CD163: variants seen among roughly 807,000 people sequenced by gnomAD.
CD163 encodes CD163 molecule, also known as scavenger receptor cysteine-rich type 1 protein M130.
In CD163, 64 loss-of-function variants were observed where a neutral mutation model predicts 129.2. The ratio of observed to expected loss-of-function variants is 0.50; its 90% CI spans 0.41 to 0.61. CD163 has a LOEUF of 0.61. Among genes scored for constraint, CD163 ranks in the 20% least tolerant of loss-of-function variants. The pLI is 0.00. For synonymous variants in CD163, 446 were observed against 478.5 expected (o/e 0.93, Z 0.89); for missense variants, 1,061 against 1,377.9 (o/e 0.77, Z 3.64).
chr12:7,494,068 A>C (rs980069221), intron 6 of CD163, among the ~76,000 whole-genome samples: 1 of 152,208 alleles, frequency 6.6e-6, no homozygotes, highest in Non-Finnish European at 1.5e-5. Context: ...TAATGAAAGC[A>C]AATGATAGCT....
Position 7,494,942 on chromosome 12 carries a change from T to G in CD163, c.1420+139A>C. 5.8e-6 allele frequency: 4 copies of G among 694,554 alleles called. No homozygotes were observed. The South Asian group carries it at 7.4e-5, about 13-fold the overall frequency. The allele number at this position is 694,554 out of a possible 1,614,324, so 43.0% of individuals were successfully genotyped here. A position where few individuals can be genotyped will look rare whatever the true frequency, so the allele number is the denominator to read the frequency against. ...AACATGAATTGTAAACTTATCTGAC[T>G]CTCCCAGTGGAATTTGTGTAGATAT... On this transcript the variant is annotated intron_variant, in intron 6 of 16. Transcript: ENST00000432237.
rs1358917882 is a variant in CD163, at chr12:7,483,436, C to A, written c.3019G>T (p.Asp1007Tyr). 6.2e-7 allele frequency: 1 copy of A among 1,614,074 alleles called. No individual in the cohort carries two copies. Among genetic ancestry groups the A allele is most frequent in the East Asian group, 2.2e-5 (1 of 44,860 alleles). The change falls in exon 12 of 17, where the codon GAT (aspartate) becomes TAT (tyrosine). Residue 1007 changes from aspartate to tyrosine, a missense_variant. Asp to Tyr is a radical substitution (Grantham distance 160). Coordinates refer to ENST00000432237, the MANE Select transcript of CD163 (RefSeq NM_203416.4). ...TGGCCCCAGCGTCTGGCAGGACAAT[C>A]CCACAAGGAAGACTCATTCCCTTTG... The part of the protein sequence containing the change: ...KCKGNESSLW[D>Y]CPARRWGHSE...
At chr12:7,479,114 G>A (rs1341418108) in intron 16 of CD163, among the ~76,000 whole-genome samples, 1 of 151,986 alleles carries the variant, frequency 6.6e-6, no homozygotes, top group Non-Finnish European at 1.5e-5. Flanking sequence ...AAGTATAGCA[G>A]GTAAGACCAT....
intron 6 of CD163, among the ~76,000 whole-genome samples, chr12:7,489,016 G>A (rs1239665504): frequency 2.0e-5 from 3 of 152,078 alleles, no homozygotes; most frequent in Non-Finnish European, 4.4e-5. Flanking sequence ...AATTGCCTTA[G>A]GAGATAATTG....
chr12:7,487,089 A>G lies in CD163; in HGVS notation c.2051-103T>C, dbSNP rs1949261963. The G allele has an allele frequency of 3.2e-6, 3 of 939,068 alleles. No homozygotes were observed. Among genetic ancestry groups the G allele is most frequent in the Admixed American group, 2.4e-5 (1 of 42,400 alleles). 58.2% of individuals were successfully genotyped at this position (939,068 alleles called of 1,614,324 possible). Reference sequence around the variant, plus strand: ...GAGGACAAACATAGCTTAGAGAGAGAGGGGAAGGTGGATGGTCAACAAGTT... The same window carrying G: ...GAGGACAAACATAGCTTAGAGAGAGGGGGGAAGGTGGATGGTCAACAAGTT... On this transcript the variant is annotated intron_variant, in intron 8 of 16. Coordinates refer to ENST00000432237, the MANE Select transcript of CD163 (RefSeq NM_203416.4). The surrounding 1 kb of genome is among the most constrained non-coding windows in gnomAD (Gnocchi z 5.1).
In CD163 at chr12:7,497,120, C is replaced by G; in HGVS notation, c.792G>C (p.Leu264=). The change falls in exon 5 of 17, where the codon CTG becomes CTC. Residue 264 remains leucine, a synonymous_variant. Coordinates refer to ENST00000432237, the MANE Select transcript of CD163 (RefSeq NM_203416.4). ...TGACTCCATCTACCAGTCTCAGGCT[C>G]AGATCTGCTCCCTCTGTAACAGAGA... The part of the protein sequence containing the change: ...AGVICSKGAD[L]SLRLVDGVTE... 1 of 1,613,608 alleles carries G rather than the reference C, an allele frequency of 6.2e-7. No individual in the cohort carries two copies. Among genetic ancestry groups the G allele is most frequent in the Non-Finnish European group, 8.5e-7 (1 of 1,179,826 alleles).
intron 16 of CD163, among the ~76,000 whole-genome samples, chr12:7,474,547 T>C (rs1006431574): frequency 2.0e-5 from 3 of 152,016 alleles, no homozygotes; most frequent in Non-Finnish European, 2.9e-5. Context: ...AGACACAACA[T>C]ACAAAAATCT....
intron 15 of CD163, chr12:7,480,244 C>T (rs778674403): frequency 5.1e-5 from 18 of 352,184 alleles, no homozygotes; most frequent in Admixed American, 2.5e-4. Context: ...TGAGGCAGGC[C>T]CCTCTCAGAA....
intron 16 of CD163, among the ~76,000 whole-genome samples, chr12:7,475,610 T>C (rs1336242689): frequency 1.3e-5 from 2 of 152,160 alleles, no homozygotes; most frequent in Non-Finnish European, 2.9e-5. Context: ...GAGCTAATTA[T>C]GACAAACCCA....
At chr12:7,473,656 A>G (rs781540035) in intron 16 of CD163, among the ~76,000 whole-genome samples, 7 of 152,180 alleles carry the variant, frequency 4.6e-5, no homozygotes, top group Non-Finnish European at 2.9e-5. Context: ...CTATGAAGAA[A>G]CCACATCAAC....
chr12:7,502,612 C>G, intron 1 of CD163, 48 bp from the exon 2 acceptor site: 1 of 968,370 alleles, frequency 1.0e-6, no homozygotes. Context: ...CAAAAAGAGA[C>G]TTTGGAGAAG....
intron 16 of CD163, among the ~76,000 whole-genome samples, chr12:7,472,676 GATCACAACTCC>G (rs1565830110): frequency 1.3e-5 from 2 of 152,152 alleles, no homozygotes; most frequent in African/African-American, 4.8e-5. Flanking sequence ...TCCTTTAATT[GATCACAACTCC>G]TGTCCAGCAA....
At chr12:7,471,512 C>T (rs1387480285) in intron 16 of CD163, 115 bp from the exon 17 acceptor site, 2 of 149,944 alleles carry the variant, frequency 1.3e-5, no homozygotes, top group Non-Finnish European at 2.9e-5. Context: ...CTTTCCTGAG[C>T]AGAAATTTTA....
At chr12:7,477,608 G>C (rs1156375924) in intron 16 of CD163, among the ~76,000 whole-genome samples, 3 of 151,980 alleles carry the variant, frequency 2.0e-5, no homozygotes, top group Admixed American at 2.0e-4. Flanking sequence ...AGGGGAAGGA[G>C]AGCATTAAGA....
chr12:7,472,100 C>T (rs921449738), intron 16 of CD163, among the ~76,000 whole-genome samples: 1 of 152,234 alleles, frequency 6.6e-6, no homozygotes, highest in African/African-American at 2.4e-5. Context: ...GACAGAGCAC[C>T]TGGGGGAATG....
At chr12:7,493,743 A>C (rs1328906110) in intron 6 of CD163, among the ~76,000 whole-genome samples, 2 of 152,306 alleles carry the variant, frequency 1.3e-5, no homozygotes, top group Non-Finnish European at 2.9e-5. Context: ...ATCAAACTTT[A>C]GGAAATCTGA....
rs112044800 is a variant in CD163 at position 7,496,265 on chromosome 12, G to C, written c.1099+548C>G. On this transcript the variant is annotated intron_variant, in intron 5 of 16. Coordinates refer to ENST00000432237, the MANE Select transcript of CD163 (RefSeq NM_203416.4). The surrounding 1 kb of genome is among the most constrained non-coding windows in gnomAD (Gnocchi z 4.8). ...CACTGCATGTTCTCACTCATAACTG[G>C]GAGTTGAACAATGAGAACACACGGA... Among the ~76,000 whole-genome samples, 1,584 of 152,096 alleles carry C rather than the reference G, an allele frequency of 0.01. 29 individuals are homozygous for C. The highest frequency in any genetic ancestry group is 0.036 in the African/African-American group (1,501 of 41,446).
At chr12:7,473,229 A>G (rs1949032286) in intron 16 of CD163, 1 of 152,232 alleles carries the variant, frequency 6.6e-6, no homozygotes, top group South Asian at 2.1e-4. Flanking sequence ...AGGGAACACC[A>G]CTAAGATACT....
intron 16 of CD163, 130 bp downstream of exon 16, chr12:7,479,730 A>G (rs934407373): frequency 3.6e-5 from 30 of 839,518 alleles, no homozygotes; most frequent in Non-Finnish European, 5.2e-5. Context: ...ATATACATAT[A>G]CAAACATATG....
Sources: gnomAD v4.1 joint callset for allele counts (sites outside exome capture counted in the v4.1 genomes callset) on GRCh38, gnomAD v4.1.1 for gene constraint, Gnocchi (gnomAD v3.1) non-coding constraint, MANE v1.5 for transcripts, NCBI Gene and HGNC (gene_info 2026-07-23, HGNC 2026-07-21) for gene names.